Variants in SPOCK1 observed in about 807,000 individuals in gnomAD.
SPOCK1 encodes testican-1.
In SPOCK1, 23 loss-of-function variants were observed where a neutral mutation model predicts 55.3. The observed-to-expected ratio is 0.42, with a 90% CI of 0.30 to 0.59. The LOEUF is 0.59. Among genes scored for constraint, SPOCK1 ranks in the 20% least tolerant of loss-of-function variants. The probability of loss-of-function intolerance (pLI) is 0.22; values close to 1 mark genes in which losing one functional copy is unlikely to be tolerated. For missense variants in SPOCK1, 499 were observed against 552.5 expected, an observed-to-expected ratio of 0.90 and a Z score of 0.97; for synonymous variants, 226 against 221.0, an observed-to-expected ratio of 1.02 and a Z score of -0.20.
intron 3 of SPOCK1, among the ~76,000 whole-genome samples, chr5:137,218,190 T>A (rs1009632899): frequency 1.3e-5 from 2 of 152,236 alleles, no homozygotes; most frequent in Non-Finnish European, 2.9e-5. Flanking sequence ...AGGGGTGTAA[T>A]TTGTTTAAGG....
At chr5:137,087,800 A>G (rs1752984664) in intron 5 of SPOCK1, among the ~76,000 whole-genome samples, 1 of 152,204 alleles carries the variant, frequency 6.6e-6, no homozygotes, top group African/African-American at 2.4e-5. Flanking sequence ...GAACATTGAG[A>G]AGGTTCAGAA....
intron 6 of SPOCK1, among the ~76,000 whole-genome samples, chr5:137,066,191 T>C (rs1752502134): frequency 6.6e-6 from 1 of 152,192 alleles, no homozygotes; most frequent in Non-Finnish European, 1.5e-5. Context: ...CAGGTTGAAG[T>C]ACAGTGGCGC....
intron 6 of SPOCK1, among the ~76,000 whole-genome samples, chr5:137,006,145 C>G (rs184035522): frequency 6.8e-4 from 103 of 152,188 alleles, no homozygotes; most frequent in African/African-American, 2.4e-3. Context: ...GCATGATGCT[C>G]CCAGCTTCGT....
chr5:137,437,471 G>C (rs887213242), intron 2 of SPOCK1, among the ~76,000 whole-genome samples: 15 of 152,212 alleles, frequency 9.9e-5, no homozygotes, highest in African/African-American at 3.6e-4. Context: ...ATGGGTTTTA[G>C]TAGAGTTGTG....
chr5:137,102,619 A>G (rs1054931424), intron 5 of SPOCK1, among the ~76,000 whole-genome samples: 1 of 152,144 alleles, frequency 6.6e-6, no homozygotes, highest in Non-Finnish European at 1.5e-5. Context: ...AGTATTTTAC[A>G]TTACTTTTCA....
intron 6 of SPOCK1, among the ~76,000 whole-genome samples, chr5:137,024,336 GA>G (rs1751631867): frequency 6.9e-6 from 1 of 145,118 alleles, no homozygotes; most frequent in Non-Finnish European, 1.5e-5. Context: ...AGTTACAACT[GA>G]CTGCTCATGT....
chr5:137,181,202 G>A (rs912457607), intron 3 of SPOCK1, among the ~76,000 whole-genome samples: 2 of 152,206 alleles, frequency 1.3e-5, no homozygotes, highest in Non-Finnish European at 1.5e-5. Flanking sequence ...AGGTAGCAAT[G>A]AGAAGCAGCA....
At chr5:137,160,616 T>TTATATA (rs1554100846) in intron 3 of SPOCK1, among the ~76,000 whole-genome samples, 53 of 58,958 alleles carry the variant, frequency 9.0e-4, no homozygotes, top group African/African-American at 4.3e-3. Context: ...TAATATATAA[T>TTATATA]ATATATTTTA....
intron 2 of SPOCK1, among the ~76,000 whole-genome samples, chr5:137,493,430 A>G (rs555567068): frequency 6.6e-6 from 1 of 152,302 alleles, no homozygotes; most frequent in East Asian, 1.9e-4. Context: ...CCTCCCAGTG[A>G]TACAGTTCTG....
intron 6 of SPOCK1, among the ~76,000 whole-genome samples, chr5:137,028,019 C>T (rs1413096156): frequency 6.6e-6 from 1 of 152,198 alleles, no homozygotes; most frequent in East Asian, 1.9e-4. Context: ...CAACCTCTCC[C>T]ATCCCCCCTC....
chr5:137,340,287 T>C (rs1319443826), intron 2 of SPOCK1, among the ~76,000 whole-genome samples: 1 of 152,082 alleles, frequency 6.6e-6, no homozygotes, highest in Non-Finnish European at 1.5e-5. Flanking sequence ...CGCCTGAACT[T>C]TTCTACTGAG....
intron 3 of SPOCK1, among the ~76,000 whole-genome samples, chr5:137,155,380 G>A (rs150232962): frequency 8.0e-4 from 122 of 152,292 alleles, no homozygotes; most frequent in African/African-American, 2.8e-3. Flanking sequence ...CAATGGGCCT[G>A]TACTCTACTC....
chr5:137,015,708 G>A (rs949970556), intron 6 of SPOCK1, among the ~76,000 whole-genome samples: 2 of 152,166 alleles, frequency 1.3e-5, no homozygotes, highest in African/African-American at 2.4e-5. Flanking sequence ...ACTACAGAGG[G>A]GGAAATCCCA....
chr5:137,019,296 G>A (rs1467223155), intron 6 of SPOCK1, among the ~76,000 whole-genome samples: 1 of 152,044 alleles, frequency 6.6e-6, no homozygotes, highest in East Asian at 1.9e-4. Flanking sequence ...TTCAACACCT[G>A]AGAAATAATT....
intron 3 of SPOCK1, among the ~76,000 whole-genome samples, chr5:137,174,338 A>T (rs1580790447): frequency 1.3e-5 from 2 of 152,318 alleles, no homozygotes; most frequent in South Asian, 4.1e-4. Context: ...CTCCACGGGG[A>T]AGAGACAAGC....
chr5:137,063,875 T>C (rs1403824207), intron 6 of SPOCK1, among the ~76,000 whole-genome samples: 1 of 152,198 alleles, frequency 6.6e-6, no homozygotes, highest in Non-Finnish European at 1.5e-5. Context: ...ATGCATATCT[T>C]GGTCTAACAG....
chr5:137,263,520 G>T (rs1343909696), intron 3 of SPOCK1, among the ~76,000 whole-genome samples: 1 of 152,152 alleles, frequency 6.6e-6, no homozygotes, highest in African/African-American at 2.4e-5. Context: ...TCCATCCGGG[G>T]GCCTTCATTT....
rs1357490737 is a variant in SPOCK1, at chr5:136,976,845, C to G, written c.*1809G>C. Reference sequence around the variant, plus strand: ...TCTAAGACCAACTATAGGTATGATGCTACTGTATTCAGGCAATGCCGACTG... The same window carrying G: ...TCTAAGACCAACTATAGGTATGATGGTACTGTATTCAGGCAATGCCGACTG... On this transcript the variant is annotated 3_prime_UTR_variant, in exon 11 of 11. Coordinates refer to ENST00000394945, the MANE Select transcript of SPOCK1 (RefSeq NM_004598.4). 1 of 152,192 alleles carries G rather than the reference C, an allele frequency of 6.6e-6. No homozygotes were observed. Among genetic ancestry groups the G allele is most frequent in the African/African-American group, 2.4e-5 (1 of 41,446 alleles). The allele number at this position is 152,192 out of a possible 1,614,324, so 9.4% of individuals were successfully genotyped here. A position where few individuals can be genotyped will look rare whatever the true frequency, so the allele number is the denominator to read the frequency against.
intron 9 of SPOCK1, among the ~76,000 whole-genome samples, chr5:136,981,529 A>AT (rs1318929813): frequency 2.0e-4 from 30 of 151,890 alleles, no homozygotes; most frequent in Non-Finnish European, 4.0e-4. Context: ...ATTTTCTTTC[A>AT]TTTCTAGATA....
Sources: gnomAD v4.1 joint callset for allele counts (sites outside exome capture counted in the v4.1 genomes callset) on GRCh38, gnomAD v4.1.1 for gene constraint, MANE v1.5 for transcripts, NCBI Gene and HGNC (gene_info 2026-07-23, HGNC 2026-07-21) for gene names.